Variants in CERS6 observed in about 807,000 individuals in gnomAD.
CERS6 encodes LAG1 homolog, ceramide synthase 6.
CERS6 carries 26 observed loss-of-function variants against 56.8 expected under a neutral mutation model. That is an observed-to-expected ratio of 0.46 (90% CI 0.34 to 0.63). The LOEUF (loss-of-function observed/expected upper bound fraction) is 0.63, where lower values mean the gene tolerates loss of function less well. Among genes scored for constraint, CERS6 ranks in the 30% least tolerant of loss-of-function variants. The pLI, the probability that CERS6 is intolerant of heterozygous loss-of-function variation, is 0.01. For missense variants in CERS6, 415 were observed against 467.5 expected (o/e 0.89, Z 1.04); for synonymous variants, 164 against 173.3 (o/e 0.95, Z 0.42).
intron 4 of CERS6, among the ~76,000 whole-genome samples, chr2:168,676,531 T>C (rs1309043600): frequency 6.6e-6 from 1 of 152,248 alleles, no homozygotes; most frequent in Non-Finnish European, 1.5e-5. Flanking sequence ...ACTAACAATA[T>C]TAACTTAAAA....
intron 8 of CERS6, among the ~76,000 whole-genome samples, chr2:168,752,080 A>T (rs535566589): frequency 3.3e-5 from 5 of 152,200 alleles, no homozygotes; most frequent in African/African-American, 9.6e-5. Flanking sequence ...GAGTACCCAG[A>T]TATCTTCATT....
chr2:168,550,098 G>A (rs947134341), intron 2 of CERS6, among the ~76,000 whole-genome samples: 1 of 152,172 alleles, frequency 6.6e-6, no homozygotes, highest in Admixed American at 6.5e-5. Context: ...CACAAAAAAA[G>A]TGCCATTAAG....
intron 4 of CERS6, among the ~76,000 whole-genome samples, chr2:168,671,120 C>T (rs1685906419): frequency 6.6e-6 from 1 of 151,930 alleles, no homozygotes; most frequent in African/African-American, 2.4e-5. Context: ...GCCACCACAC[C>T]TAGCTAATTT....
rs58913968 is a variant in CERS6 at position 168,665,952 on chromosome 2, CTGTGTG to C, written c.466-25048_466-25043del. ...AGAATTTTTTTAAAAAATTAGTAGA[CTGTGTG>C]TGTGTGTGTGTGTGTGTGTGTGTGT... On this transcript the variant is annotated intron_variant, in intron 4 of 9. Transcript: ENST00000305747. 5.4e-3 allele frequency among the ~76,000 whole-genome samples: 777 copies of C among 143,064 alleles called. 4 individuals are homozygous for C. Among genetic ancestry groups the C allele is most frequent in the South Asian group, 7.2e-3 (31 of 4,294 alleles). The allele number at this position is 143,064 out of a possible 152,430, so 93.9% of individuals were successfully genotyped here.
At chr2:168,482,897 C>T (rs1390566191) in intron 1 of CERS6, among the ~76,000 whole-genome samples, 1 of 152,224 alleles carries the variant, frequency 6.6e-6, no homozygotes, top group Non-Finnish European at 1.5e-5. Context: ...ATAGCCATCT[C>T]TTAAGTACTG....
At chr2:168,661,514 GAC>G (rs1315474458) in intron 4 of CERS6, among the ~76,000 whole-genome samples, 1 of 152,228 alleles carries the variant, frequency 6.6e-6, no homozygotes, top group African/African-American at 2.4e-5. Context: ...GTTATGGGAA[GAC>G]ACTTTACATT....
intron 1 of CERS6, among the ~76,000 whole-genome samples, chr2:168,468,291 A>C (rs1264706610): frequency 6.6e-6 from 1 of 152,112 alleles, no homozygotes; most frequent in East Asian, 1.9e-4. Flanking sequence ...ATCTCCACCT[A>C]CTTCCCCTGG....
rs1684846179 is a variant in CERS6 at position 168,770,909 on chromosome 2, A to G, written c.*1247A>G. 6.6e-6 allele frequency: 1 copy of G among 152,186 alleles called. No individual in the cohort carries two copies. The allele number at this position is 152,186 out of a possible 1,614,324, so 9.4% of individuals were successfully genotyped here. ...TGTTTCTGGAAAAATGAAAAATTCT[A>G]TTGGACAATGGCAATATCAACAATG... On this transcript the variant is annotated 3_prime_UTR_variant, in exon 10 of 10. Coordinates refer to ENST00000305747, the MANE Select transcript of CERS6 (RefSeq NM_203463.3).
intron 8 of CERS6, among the ~76,000 whole-genome samples, chr2:168,762,191 CA>C (rs1002755488): frequency 8.7e-4 from 129 of 147,866 alleles, no homozygotes; most frequent in African/African-American, 2.9e-3. Context: ...TTTTAAAATG[CA>C]AAAAAAAATA....
chr2:168,497,015 A>G (rs956357504), intron 1 of CERS6, among the ~76,000 whole-genome samples: 19 of 152,216 alleles, frequency 1.2e-4, no homozygotes, highest in African/African-American at 4.6e-4. Context: ...TGCCATTTCT[A>G]ATCTAGCCTA....
chr2:168,477,037 G>A (rs1694084134), intron 1 of CERS6, among the ~76,000 whole-genome samples: 1 of 152,062 alleles, frequency 6.6e-6, no homozygotes, highest in African/African-American at 2.4e-5. Flanking sequence ...TCATGGTTCT[G>A]GAGACAAGCC....
intron 4 of CERS6, among the ~76,000 whole-genome samples, chr2:168,650,551 A>G (rs1456969682): frequency 1.3e-5 from 2 of 152,114 alleles, no homozygotes; most frequent in Admixed American, 6.5e-5. Context: ...ATTACTACCA[A>G]ATTAATTCAT....
intron 4 of CERS6, among the ~76,000 whole-genome samples, chr2:168,690,652 G>A (rs1229937638): frequency 1.3e-5 from 2 of 152,060 alleles, no homozygotes; most frequent in African/African-American, 4.8e-5. Context: ...TATACTAGCT[G>A]TCATCAATGT....
chr2:168,471,667 C>T (rs1049388350), intron 1 of CERS6, among the ~76,000 whole-genome samples: 6 of 152,160 alleles, frequency 3.9e-5, no homozygotes, highest in African/African-American at 1.4e-4. Flanking sequence ...CTCCGTCAAT[C>T]GCCATTCCAC....
chr2:168,714,783 G>T (rs895875243), intron 6 of CERS6, among the ~76,000 whole-genome samples: 1 of 152,136 alleles, frequency 6.6e-6, no homozygotes, highest in African/African-American at 2.4e-5. Context: ...TACCAAATCT[G>T]CCAGAGCCTT....
intron 1 of CERS6, among the ~76,000 whole-genome samples, chr2:168,470,958 G>C (rs1693965802): frequency 1.3e-5 from 2 of 152,048 alleles, no homozygotes; most frequent in Admixed American, 6.5e-5. Context: ...TCCCAAGGCT[G>C]CCTCGCTCAG....
chr2:168,572,024 ATACTGTGATTG>A (rs905331670), intron 3 of CERS6, among the ~76,000 whole-genome samples: 1 of 152,154 alleles, frequency 6.6e-6, no homozygotes, highest in African/African-American at 2.4e-5. Context: ...CATGGAGGAT[ATACTGTGATTG>A]AGGGGATGTT....
At chr2:168,496,492 AT>A (rs923088579) in intron 1 of CERS6, among the ~76,000 whole-genome samples, 1 of 152,048 alleles carries the variant, frequency 6.6e-6, no homozygotes, top group Non-Finnish European at 1.5e-5. Context: ...ATGAGAGGGG[AT>A]TCTTGTCTTT....
chr2:168,601,580 C>T (rs1465066843), intron 3 of CERS6, among the ~76,000 whole-genome samples: 10 of 150,840 alleles, frequency 6.6e-5, no homozygotes, highest in African/African-American at 2.4e-4. Context: ...GAGACAGTCT[C>T]GCTCTGTCGC....
Sources: allele counts gnomAD v4.1 joint callset (sites outside exome capture counted in the v4.1 genomes callset), GRCh38; gene constraint gnomAD v4.1.1; transcripts MANE v1.5; gene names NCBI Gene and HGNC (gene_info 2026-07-23, HGNC 2026-07-21).